The following PRR36 variants were observed in gnomAD, a reference collection of about 807,000 sequenced individuals.
PRR36 encodes proline rich 36, also known as proline-rich protein 36.
PRR36 carries 30 observed loss-of-function variants against 58.6 expected under a neutral mutation model. That is an observed-to-expected ratio of 0.51 (90% CI 0.38 to 0.69). The LOEUF is 0.69. Ranked by LOEUF, PRR36 falls within the 30% of genes least tolerant of loss-of-function variation. PRR36 has a pLI of 0.00. For synonymous variants in PRR36, 771 were observed against 829.3 expected, an observed-to-expected ratio of 0.93 and a Z score of 1.21; for missense variants, 1,692 against 1,805.6, an observed-to-expected ratio of 0.94 and a Z score of 1.14.
At position 7,873,720 on chromosome 19, in the gene PRR36, T is replaced by C. The variant is rs1172379238; in HGVS notation, c.-7-24A>G. 6.5e-7 allele frequency: 1 copy of C among 1,529,244 alleles called. No individual in the cohort carries two copies. Among genetic ancestry groups the C allele is most frequent in the African/African-American group, 1.4e-5 (1 of 72,804 alleles). The allele number at this position is 1,529,244 out of a possible 1,614,324, so 94.7% of individuals were successfully genotyped here. On this transcript the variant is annotated intron_variant, in intron 1 of 5. Coordinates refer to ENST00000618550, the MANE Select transcript of PRR36 (RefSeq NM_001190467.2). This position sits in a 1 kb window ranked among gnomAD's most constrained non-coding sequence, Gnocchi z 5.0. ...ACCTGAAGAGACAAACCGGTCCGCA[T>C]CCCAGGTTCTGGACAGCTACGCCGC...
rs1980584312 is a variant in PRR36, at chr19:7,873,810, A to G, written c.-7-114T>C. 2 of 1,082,822 alleles carry G rather than the reference A, an allele frequency of 1.8e-6. No individual in the cohort carries two copies. The highest frequency in any genetic ancestry group is 1.6e-5 in the African/African-American group (1 of 62,860). 67.1% of individuals were successfully genotyped at this position (1,082,822 alleles called of 1,614,324 possible). A position where few individuals can be genotyped will look rare whatever the true frequency, so the allele number is the denominator to read the frequency against. ...CAGCATCGCCACCCATGGACACTCA[A>G]ACCTCGGCCTCGGCTTCCATCCGCT... is the stretch of plus-strand genomic sequence containing the variant. On this transcript the variant is annotated intron_variant, in intron 1 of 5. Coordinates refer to ENST00000618550, the MANE Select transcript of PRR36 (RefSeq NM_001190467.2). The surrounding 1 kb of genome is among the most constrained non-coding windows in gnomAD (Gnocchi z 5.0).
Position 7,869,384 on chromosome 19 carries a change from G to GGCCCCA in PRR36, c.3684_3689dup (p.Gly1233_Ala1234dup), listed in dbSNP as rs548664698. 521 of 1,464,370 alleles carry GGCCCCA rather than the reference G, an allele frequency of 3.6e-4. 5 individuals are homozygous for GGCCCCA. In the South Asian group the frequency reaches 6.4e-3, roughly 18 times the overall value. 90.7% of individuals were successfully genotyped at this position (1,464,370 alleles called of 1,614,324 possible). A position where few individuals can be genotyped will look rare whatever the true frequency, so the allele number is the denominator to read the frequency against. On this transcript the variant is annotated inframe_insertion, in exon 6 of 6. Transcript: ENST00000618550. ...GGCTCCGCGAGGACGCCCCGGCCCCGGCCCCAGCCGCCGCCTTCCCACCGC... is the reference window on the plus strand; with the variant it reads ...GGCTCCGCGAGGACGCCCCGGCCCCGGCCCCAGCCCCAGCCGCCGCCTTCCCACCGC...
chr19:7,873,106 C>T lies in PRR36; in HGVS notation c.374+91G>A, dbSNP rs1980540977. The T allele has an allele frequency of 3.6e-6, 5 of 1,383,078 alleles. No individual in the cohort carries two copies. The Admixed American group carries it at 1.0e-4, about 28-fold the overall frequency. The allele number at this position is 1,383,078 out of a possible 1,614,324, so 85.7% of individuals were successfully genotyped here. A position where few individuals can be genotyped will look rare whatever the true frequency, so the allele number is the denominator to read the frequency against. On this transcript the variant is annotated intron_variant, in intron 3 of 5. Transcript: ENST00000618550. The surrounding 1 kb of genome is among the most constrained non-coding windows in gnomAD (Gnocchi z 5.0). ...ATTTGTGCCCAGTGACCTGCAAGTG[C>T]TCCCGCGCCCCAACTCGTGTAAAAT... is the stretch of plus-strand genomic sequence containing the variant.
Position 7,869,027 on chromosome 19 carries a change from T to G in PRR36, c.*6A>C. ...TGGGGTGTAGCAGGCGGGGCTGTGG[T>G]CTGGCTCAGTGGAAGGTCTCCACCT... On this transcript the variant is annotated 3_prime_UTR_variant, in exon 6 of 6. Transcript: ENST00000618550. 1.3e-6 allele frequency: 2 copies of G among 1,509,236 alleles called. No individual in the cohort carries two copies. Among genetic ancestry groups the G allele is most frequent in the Non-Finnish European group, 1.8e-6 (2 of 1,133,196 alleles). The allele number at this position is 1,509,236 out of a possible 1,614,324, so 93.5% of individuals were successfully genotyped here.
In PRR36 at chr19:7,873,631, C is replaced by T. The variant is rs1260158873; in HGVS notation, c.59G>A (p.Arg20His). ...AGAAARTPAA[R>H]APGLLTPRPP... ...CCTGGGGGTCAGAAGTCCAGGAGCG[C>T]GAGCAGCCGGCGTCCGCGCGGCGGC... The change falls in exon 2 of 6, where the codon CGC becomes CAC. Residue 20 changes from arginine (R) to histidine (H), a missense_variant. By Grantham distance (29) the Arg-to-His change is conservative. Transcript: ENST00000618550. This position sits in a 1 kb window ranked among gnomAD's most constrained non-coding sequence, Gnocchi z 5.0. 1.3e-6 allele frequency: 2 copies of T among 1,535,084 alleles called. No individual in the cohort carries two copies. The highest frequency in any genetic ancestry group is 4.9e-5 in the East Asian group (2 of 40,918).
rs1255726465 is a variant in PRR36, at chr19:7,869,511, G to A, written c.3563C>T (p.Pro1188Leu). The A allele has an allele frequency of 9.9e-6, 15 of 1,520,426 alleles. No homozygotes were observed. Among genetic ancestry groups the A allele is most frequent in the Non-Finnish European group, 8.8e-6 (10 of 1,140,146 alleles). The allele number at this position is 1,520,426 out of a possible 1,614,324, so 94.2% of individuals were successfully genotyped here. Reference protein sequence around the residue: ...APLPWPPATGPGSADGLCTIY... With the variant: ...APLPWPPATGLGSADGLCTIY... ...GGTGCACAGACCGTCAGCAGAGCCC[G>A]GTCCGGTAGCGGGAGGCCACGGCAG... The change falls in exon 6 of 6, where the codon CCG becomes CTG. Residue 1188 changes from proline to leucine, a missense_variant. Physicochemically the swap from Pro to Leu is moderately conservative, Grantham distance 98 (BLOSUM62 -3). Coordinates refer to ENST00000618550, the MANE Select transcript of PRR36 (RefSeq NM_001190467.2).
chr19:7,869,978 A>AC lies in PRR36; in HGVS notation c.3265dup (p.Val1089GlyfsTer104). 1 of 1,395,934 alleles carries AC rather than the reference A, an allele frequency of 7.2e-7. No homozygotes were observed. The highest frequency in any genetic ancestry group is 3.0e-5 in the East Asian group (1 of 33,858). The allele number at this position is 1,395,934 out of a possible 1,614,324, so 86.5% of individuals were successfully genotyped here. A position where few individuals can be genotyped will look rare whatever the true frequency, so the allele number is the denominator to read the frequency against. On this transcript the variant is annotated frameshift_variant, in exon 5 of 6. Coordinates refer to ENST00000618550, the MANE Select transcript of PRR36 (RefSeq NM_001190467.2). LOFTEE classifies it high-confidence loss of function. ...CGCCAGGGTCAGCCGTGGGCCCGAGACGGAGGTATCCGGACCCGGGGTCGG... is the reference window on the plus strand; with the variant it reads ...CGCCAGGGTCAGCCGTGGGCCCGAGACCGGAGGTATCCGGACCCGGGGTCGG...
intron 5 of PRR36, 21 bp from the exon 6 acceptor site, chr19:7,869,565 T>C: frequency 3.3e-6 from 5 of 1,515,336 alleles, no homozygotes; most frequent in Non-Finnish European, 4.4e-6. Context: ...AGACGCCAGG[T>C]GGGCCGTGGG....
chr19:7,873,779 C>T lies in PRR36; in HGVS notation c.-7-83G>A, dbSNP rs939168959. 2.7e-5 allele frequency: 37 copies of T among 1,349,938 alleles called. No homozygotes were observed. In the African/African-American group the frequency reaches 4.1e-4, roughly 15 times the overall value. 83.6% of individuals were successfully genotyped at this position (1,349,938 alleles called of 1,614,324 possible). A position where few individuals can be genotyped will look rare whatever the true frequency, so the allele number is the denominator to read the frequency against. On this transcript the variant is annotated intron_variant, in intron 1 of 5. Transcript: ENST00000618550. This position sits in a 1 kb window ranked among gnomAD's most constrained non-coding sequence, Gnocchi z 5.0. ...ACCTGGACCCTGCTACCTCACTGCC[C>T]TTTCGCAGCATCGCCACCCATGGAC...
At position 7,873,244 on chromosome 19, in the gene PRR36, G is replaced by T. The variant is rs1422635708; in HGVS notation, c.327C>A (p.Thr109=). 8 of 1,535,858 alleles carry T rather than the reference G, an allele frequency of 5.2e-6. No homozygotes were observed. In the African/African-American group the frequency reaches 1.1e-4, roughly 21 times the overall value. The part of the protein sequence containing the change: ...RGERAPPAKN[T]SPGPVSSPGR... The stretch of plus-strand genomic sequence containing the variant: ...CTGGGCTAGAAACAGGGCCTGGGCT[G>T]GTGTTCTTGGCAGGAGGAGCTCTCT... Residue 109 remains threonine (T), a synonymous_variant, in exon 3 of 6, where the codon ACC becomes ACA. Transcript: ENST00000618550. The surrounding 1 kb of genome is among the most constrained non-coding windows in gnomAD (Gnocchi z 5.0).
chr19:7,872,220 G>T lies in PRR36; in HGVS notation c.1024C>A (p.Pro342Thr). 6.9e-7 allele frequency: 1 copy of T among 1,457,452 alleles called. No homozygotes were observed. Among genetic ancestry groups the T allele is most frequent in the Non-Finnish European group, 9.0e-7 (1 of 1,109,886 alleles). 90.3% of individuals were successfully genotyped at this position (1,457,452 alleles called of 1,614,324 possible). A position where few individuals can be genotyped will look rare whatever the true frequency, so the allele number is the denominator to read the frequency against. ...GGGGCCTGACTTTGGAGAGCGGCTG[G>T]CGGAGGGGGCGTTACCGGTGGAGAG... ...PPSPPVTPPP[P>T]AALQSQAPPT... is the part of the protein sequence containing the mutation. Residue 342 changes from proline to threonine, a missense_variant, in exon 5 of 6, where the codon CCA (proline) becomes ACA (threonine). Pro to Thr is a conservative substitution (Grantham distance 38). Around this residue, in one of 5 missense-constraint regions of PRR36, gnomAD observed 975 missense variants for 955.2 expected, o/e 1.02. Coordinates refer to ENST00000618550, the MANE Select transcript of PRR36 (RefSeq NM_001190467.2). This position sits in a 1 kb window ranked among gnomAD's most constrained non-coding sequence, Gnocchi z 6.1.
rs865866380 is a variant in PRR36 at position 7,871,786 on chromosome 19, C to A, written c.1458G>T (p.Gln486His). ...NSAFPLAALP[Q>H]PGLSALTTPP... ...GCGTGGTCAGAGCAGAAAGGCCTGG[C>A]TGAGGGAGTGCGGCCAGGGGAAAAG... Residue 486 changes from glutamine (Q) to histidine (H), a missense_variant, in exon 5 of 6, where the codon CAG becomes CAT. By Grantham distance (24) the Gln-to-His change is conservative (BLOSUM62 0). This residue lies in a region of PRR36 where 975 missense variants were observed against 955.2 expected (regional missense o/e 1.02). Transcript: ENST00000618550. 1 of 1,535,536 alleles carries A rather than the reference C, an allele frequency of 6.5e-7. No individual in the cohort carries two copies. Among genetic ancestry groups the A allele is most frequent in the African/African-American group, 1.4e-5 (1 of 72,870 alleles).
Position 7,869,635 on chromosome 19 carries a change from C to G in PRR36, c.3529+80G>C, listed in dbSNP as rs577354061. The G allele has an allele frequency of 1.4e-5, 20 of 1,434,090 alleles. No homozygotes were observed. The Admixed American group carries it at 4.0e-4, about 29-fold the overall frequency. The allele number at this position is 1,434,090 out of a possible 1,614,324, so 88.8% of individuals were successfully genotyped here. A position where few individuals can be genotyped will look rare whatever the true frequency, so the allele number is the denominator to read the frequency against. ...CTCCTTGTCTAAGCTCCGCCCCGGA[C>G]CCAGCTGTCCCGCCCCTGAGCTGCG... On this transcript the variant is annotated intron_variant, in intron 5 of 5. Coordinates refer to ENST00000618550, the MANE Select transcript of PRR36 (RefSeq NM_001190467.2).
At position 7,871,278 on chromosome 19, in the gene PRR36, G is replaced by A; in HGVS notation, c.1966C>T (p.Leu656=). ...PASTPPDSPP[L]QAPLSLPASP... ...GCAGGAAGGGAAAGAGGGGCCTGCA[G>A]AGGGGGTGAATCAGGGGGAGTAGAG... Residue 656 remains leucine, a synonymous_variant, in exon 5 of 6, where the codon CTG becomes TTG. Coordinates refer to ENST00000618550, the MANE Select transcript of PRR36 (RefSeq NM_001190467.2). 1 of 1,533,904 alleles carries A rather than the reference G, an allele frequency of 6.5e-7. No individual in the cohort carries two copies. The highest frequency in any genetic ancestry group is 1.4e-5 in the African/African-American group (1 of 72,486).
At position 7,872,456 on chromosome 19, in the gene PRR36, G is replaced by C; in HGVS notation, c.788C>G (p.Pro263Arg). Residue 263 changes from proline (P) to arginine (R), a missense_variant, in exon 5 of 6, where the codon CCC becomes CGC. Pro to Arg is a moderately radical substitution (Grantham distance 103). Transcript: ENST00000618550. This position sits in a 1 kb window ranked among gnomAD's most constrained non-coding sequence, Gnocchi z 6.1. ...ARSGPSARGT[P>R]RAPAHPSQPK... ...CTGCGAGGGATGCGCAGGAGCCCTG[G>C]GTGTTCCGCGGGCTGAGGGCCCAGA... 6.8e-7 allele frequency: 1 copy of C among 1,461,294 alleles called. No homozygotes were observed. Among genetic ancestry groups the C allele is most frequent in the East Asian group, 2.5e-5 (1 of 40,024 alleles). 90.5% of individuals were successfully genotyped at this position (1,461,294 alleles called of 1,614,324 possible).
In PRR36 at chr19:7,870,024, G is replaced by C; in HGVS notation, c.3220C>G (p.Leu1074Val). The C allele has an allele frequency of 6.9e-7, 1 of 1,444,808 alleles. No homozygotes were observed. The highest frequency in any genetic ancestry group is 9.0e-7 in the Non-Finnish European group (1 of 1,105,026). The allele number at this position is 1,444,808 out of a possible 1,614,324, so 89.5% of individuals were successfully genotyped here. The part of the protein sequence containing the change: ...VPPSPPASPT[L>V]QAPRRPPTPG... ...GTCGGGGGGCGGCGTGGGGCCTGCA[G>C]GGTGGGTGAGGCAGGGGGAGAGGGA... is the stretch of plus-strand genomic sequence containing the variant. Residue 1074 changes from leucine to valine, a missense_variant, in exon 5 of 6, where the codon CTG becomes GTG. Physicochemically the swap from Leu to Val is conservative, Grantham distance 32. This residue lies in a region of PRR36 where 485 missense variants were observed against 549.2 expected (regional missense o/e 0.88). Coordinates refer to ENST00000618550, the MANE Select transcript of PRR36 (RefSeq NM_001190467.2).
At position 7,871,313 on chromosome 19, in the gene PRR36, G is replaced by C. The variant is rs1226127561; in HGVS notation, c.1931C>G (p.Ser644Cys). The C allele has an allele frequency of 6.5e-7, 1 of 1,529,882 alleles. No individual in the cohort carries two copies. Among genetic ancestry groups the C allele is most frequent in the Admixed American group, 2.0e-5 (1 of 50,490 alleles). The allele number at this position is 1,529,882 out of a possible 1,614,324, so 94.8% of individuals were successfully genotyped here. A position where few individuals can be genotyped will look rare whatever the true frequency, so the allele number is the denominator to read the frequency against. The change falls in exon 5 of 6, where the codon TCT (serine) becomes TGT (cysteine). Residue 644 changes from serine to cysteine, a missense_variant. Ser to Cys is a moderately radical substitution (Grantham distance 112). Coordinates refer to ENST00000618550, the MANE Select transcript of PRR36 (RefSeq NM_001190467.2). Reference protein sequence around the residue: ...RQTQASLISPSRPASTPPDSP... With the variant: ...RQTQASLISPCRPASTPPDSP... ...ATCAGGGGGAGTAGAGGCCGGCCGA[G>C]AAGGTGAGATCAAAGAAGCTTGGGT...
chr19:7,872,292 G>A lies in PRR36; in HGVS notation c.952C>T (p.Pro318Ser). 6.9e-7 allele frequency: 1 copy of A among 1,457,878 alleles called. No homozygotes were observed. The highest frequency in any genetic ancestry group is 9.0e-7 in the Non-Finnish European group (1 of 1,111,392). The allele number at this position is 1,457,878 out of a possible 1,614,324, so 90.3% of individuals were successfully genotyped here. The change falls in exon 5 of 6, where the codon CCG becomes TCG. Residue 318 changes from proline (P) to serine (S), a missense_variant. Pro to Ser is a moderately conservative substitution (Grantham distance 74, BLOSUM62 -1). Around this residue, in one of 5 missense-constraint regions of PRR36, gnomAD observed 975 missense variants for 955.2 expected, o/e 1.02. Transcript: ENST00000618550. This position sits in a 1 kb window ranked among gnomAD's most constrained non-coding sequence, Gnocchi z 6.1. ...SPSGTKARPV[P>S]PPDNAATPLP... ...GGAGTGGCTGCATTGTCGGGAGGCG[G>A]TACGGGTCTTGCCTTGGTACCCGAT...
At position 7,871,971 on chromosome 19, in the gene PRR36, G is replaced by A. The variant is rs1238337955; in HGVS notation, c.1273C>T (p.Pro425Ser). The change falls in exon 5 of 6, where the codon CCA becomes TCA. Residue 425 changes from proline (P) to serine (S), a missense_variant. Physicochemically the swap from Pro to Ser is moderately conservative, Grantham distance 74 (BLOSUM62 -1). Coordinates refer to ENST00000618550, the MANE Select transcript of PRR36 (RefSeq NM_001190467.2). ...ATAAFVASVS[P>S]SVSSPLQSMP... The stretch of plus-strand genomic sequence containing the variant: ...CTCTGCAGAGGGGATGAAACTGATG[G>A]AGAGACTGAAGCCACAAAAGCGGCT... 4.6e-6 allele frequency: 7 copies of A among 1,535,680 alleles called. No homozygotes were observed. The highest frequency in any genetic ancestry group is 6.1e-6 in the Non-Finnish European group (7 of 1,146,862).
Sources: gnomAD v4.1 joint callset for allele counts on GRCh38, gnomAD v4.1.1 for gene constraint, gnomAD v4.1.1 regional missense constraint, Gnocchi (gnomAD v3.1) non-coding constraint, MANE v1.5 for transcripts, NCBI Gene and HGNC (gene_info 2026-07-23, HGNC 2026-07-21) for gene names.